ATG13: variants seen among roughly 807,000 people sequenced by gnomAD.
ATG13 encodes the protein autophagy related 13.
ATG13 carries 23 observed loss-of-function variants against 65.5 expected under a neutral mutation model. That is an observed-to-expected ratio of 0.35 (90% CI 0.25 to 0.50). The LOEUF (loss-of-function observed/expected upper bound fraction) is 0.50, where lower values mean the gene tolerates loss of function less well. Among genes scored for constraint, ATG13 ranks in the 20% least tolerant of loss-of-function variants. The probability of loss-of-function intolerance (pLI) is 0.98; values close to 1 mark genes in which losing one functional copy is unlikely to be tolerated. For synonymous variants in ATG13, 252 were observed against 245.2 expected, an observed-to-expected ratio of 1.03 and a Z score of -0.26; for missense variants, 566 against 677.0, an observed-to-expected ratio of 0.84 and a Z score of 1.82.
intron 7 of ATG13, among the ~76,000 whole-genome samples, chr11:46,653,761 G>T (rs1436263029): frequency 1.3e-5 from 2 of 151,550 alleles, no homozygotes; most frequent in Non-Finnish European, 2.9e-5. Context: ...AGTAGAGACG[G>T]GGTTTCACCA....
chr11:46,629,861 G>GCTTA (rs1555057914), intron 1 of ATG13, 184 bp from the exon 2 acceptor site: 1 of 152,008 alleles, frequency 6.6e-6, no homozygotes, highest in Non-Finnish European at 1.5e-5. Flanking sequence ...TATCTGTTCT[G>GCTTA]TTTATTTATT....
intron 5 of ATG13, 98 bp downstream of exon 5, chr11:46,646,087 C>A: frequency 6.9e-7 from 1 of 1,443,546 alleles, no homozygotes; most frequent in Non-Finnish European, 9.4e-7. Flanking sequence ...CCCCTTTCCT[C>A]TCTGATATTC....
chr11:46,645,252 G>T, intron 3 of ATG13, 87 bp from the exon 4 acceptor site: 2 of 1,095,248 alleles, frequency 1.8e-6, no homozygotes, highest in East Asian at 2.5e-5. Context: ...ACTCTGTATT[G>T]GGAGGATTTT....
intron 13 of ATG13, 53 bp downstream of exon 13, chr11:46,665,012 C>A: frequency 6.6e-7 from 1 of 1,506,596 alleles, no homozygotes; most frequent in South Asian, 1.1e-5. Context: ...CTCCCCTGCC[C>A]GGAGGCAATT....
chr11:46,674,177 C>G lies in ATG13; in HGVS notation c.*1845C>G, dbSNP rs536371787. On this transcript the variant is annotated 3_prime_UTR_variant, in exon 19 of 19. Transcript: ENST00000683050. ...TTTCCAAGGCCTTGCATGGAAAGGC[C>G]TAGCCATTGTCTGAGGCAGCAATCT... The G allele has an allele frequency of 3.3e-5, 5 of 152,242 alleles. No individual in the cohort carries two copies. Among genetic ancestry groups the G allele is most frequent in the African/African-American group, 9.6e-5 (4 of 41,456 alleles). 9.4% of individuals were successfully genotyped at this position (152,242 alleles called of 1,614,324 possible). A position where few individuals can be genotyped will look rare whatever the true frequency, so the allele number is the denominator to read the frequency against.
At chr11:46,663,945 C>CTTTTTTTTTTTTTTTTGTTTTTTTTT in intron 11 of ATG13, 52 bp from the exon 12 acceptor site, 1 of 763,270 alleles carries the variant, frequency 1.3e-6, no homozygotes, top group Non-Finnish European at 2.0e-6. Flanking sequence ...AGTCCCTTTT[C>CTTTTTTTTTTTTTTTTGTTTTTTTTT]TTTTTTTTTT....
At chr11:46,636,557 C>CA (rs374517009) in intron 2 of ATG13, among the ~76,000 whole-genome samples, 11,778 of 44,466 alleles carry the variant, frequency 0.26, 1,630 homozygotes, top group Non-Finnish European at 0.32. Context: ...GACTCCGTCT[C>CA]AAAAAAAAAA....
At chr11:46,624,408 A>C (rs1436053755) in intron 1 of ATG13, among the ~76,000 whole-genome samples, 1 of 152,120 alleles carries the variant, frequency 6.6e-6, no homozygotes, top group Admixed American at 6.6e-5. Context: ...CTTTTTAAGA[A>C]ATCCAGGAAC....
At chr11:46,659,530 T>C in intron 11 of ATG13, 45 bp downstream of exon 11, 3 of 1,477,702 alleles carry the variant, frequency 2.0e-6, no homozygotes, top group Non-Finnish European at 1.9e-6. Flanking sequence ...ATTTGGTATA[T>C]ATATGGGCTT....
chr11:46,672,677 G>A lies in ATG13; in HGVS notation c.*345G>A, dbSNP rs750709320. 7.3e-7 allele frequency: 1 copy of A among 1,371,426 alleles called. No homozygotes were observed. Among genetic ancestry groups the A allele is most frequent in the South Asian group, 1.1e-5 (1 of 88,032 alleles). The allele number at this position is 1,371,426 out of a possible 1,614,324, so 85.0% of individuals were successfully genotyped here. A position where few individuals can be genotyped will look rare whatever the true frequency, so the allele number is the denominator to read the frequency against. ...CTCCTGCTGCCGGCCTCCTGCCTGG[G>A]CCTGCCTTGCAGCTGGCCCCTTCCC... is the stretch of plus-strand genomic sequence containing the variant. On this transcript the variant is annotated 3_prime_UTR_variant, in exon 19 of 19. Transcript: ENST00000683050.
intron 2 of ATG13, among the ~76,000 whole-genome samples, chr11:46,631,227 T>G (rs2051623457): frequency 6.6e-6 from 1 of 152,214 alleles, no homozygotes; most frequent in Non-Finnish European, 1.5e-5. Context: ...GGTCTCACTC[T>G]GTTACTTAAG....
chr11:46,661,517 C>CAAAA (rs61349471), intron 11 of ATG13, among the ~76,000 whole-genome samples: 2 of 106,588 alleles, frequency 1.9e-5, no homozygotes. Flanking sequence ...GACTCCGTCT[C>CAAAA]AAAAAAAAAA....
intron 3 of ATG13, among the ~76,000 whole-genome samples, 198 bp from the exon 4 acceptor site, chr11:46,645,141 G>GT (rs1351084760): frequency 6.6e-6 from 1 of 152,064 alleles, no homozygotes; most frequent in East Asian, 1.9e-4. Context: ...CCTCAGGAAT[G>GT]TTTATAAAGT....
At chr11:46,634,183 C>T (rs967581523) in intron 2 of ATG13, among the ~76,000 whole-genome samples, 18 of 151,856 alleles carry the variant, frequency 1.2e-4, no homozygotes, top group African/African-American at 4.4e-4. Flanking sequence ...GCAATCTCCA[C>T]CTCCCAGGTT....
intron 2 of ATG13, among the ~76,000 whole-genome samples, chr11:46,633,004 AT>A (rs757935605): frequency 2.2e-3 from 188 of 86,260 alleles, no homozygotes; most frequent in African/African-American, 8.4e-3. Flanking sequence ...TTAAAAAAAA[AT>A]ATATATATAT....
rs568414286 is a variant in ATG13 at position 46,617,983 on chromosome 11, A to G, written c.-70+93A>G. 8.5e-5 allele frequency: 34 copies of G among 398,640 alleles called. 3 individuals carry two copies. The highest frequency in any genetic ancestry group is 3.9e-4 in the South Asian group (3 of 7,730). 24.7% of individuals were successfully genotyped at this position (398,640 alleles called of 1,614,324 possible). A position where few individuals can be genotyped will look rare whatever the true frequency, so the allele number is the denominator to read the frequency against. On this transcript the variant is annotated intron_variant, in intron 1 of 18. Transcript: ENST00000683050. ...GGCCCCTTGGCTGCTGCTTCGTGGAAGTAGAAGGGATTAGCCACGGTTCAA... is the reference window on the plus strand; with the variant it reads ...GGCCCCTTGGCTGCTGCTTCGTGGAGGTAGAAGGGATTAGCCACGGTTCAA...
rs2061460693 is a variant in ATG13 at position 46,662,853 on chromosome 11, CA to C, written c.790-1142del. ...GTTAATGTGATGTTGTTGGTTTTGCCAACAGTATAAGGATCGTTGTGCCATT... is the reference window on the plus strand; with the variant it reads ...GTTAATGTGATGTTGTTGGTTTTGCCACAGTATAAGGATCGTTGTGCCATT... On this transcript the variant is annotated intron_variant, in intron 11 of 18. Coordinates refer to ENST00000683050, the MANE Select transcript of ATG13 (RefSeq NM_001346311.2). 2.0e-5 allele frequency among the ~76,000 whole-genome samples: 3 copies of C among 152,096 alleles called. No homozygotes were observed. In the South Asian group the frequency reaches 6.2e-4, roughly 32 times the overall value.
At chr11:46,624,907 C>T (rs2048971009) in intron 1 of ATG13, among the ~76,000 whole-genome samples, 1 of 151,988 alleles carries the variant, frequency 6.6e-6, no homozygotes, top group Non-Finnish European at 1.5e-5. Context: ...GTGGTGTGCA[C>T]CTGTAGTCCC....
At chr11:46,663,337 T>A (rs1242651611) in intron 11 of ATG13, among the ~76,000 whole-genome samples, 2 of 150,964 alleles carry the variant, frequency 1.3e-5, no homozygotes, top group East Asian at 3.9e-4. Context: ...CATTATGCCC[T>A]TAAGTAGCTT....
Sources: allele counts gnomAD v4.1 joint callset (sites outside exome capture counted in the v4.1 genomes callset), GRCh38; gene constraint gnomAD v4.1.1; transcripts MANE v1.5; gene names NCBI Gene and HGNC (gene_info 2026-07-23, HGNC 2026-07-21).